Variants in ASPHD1 observed in about 807,000 individuals in gnomAD.
ASPHD1 encodes the protein aspartate beta-hydroxylase domain containing 1.
Under a neutral mutation model 28.3 loss-of-function variants are expected in ASPHD1, and 20 were observed. That is an observed-to-expected ratio of 0.71 (90% CI 0.50 to 1.03). The LOEUF is 1.03. ASPHD1 is among the 50% of genes least tolerant of loss of function. The pLI, the probability that ASPHD1 is intolerant of heterozygous loss-of-function variation, is 0.00. For synonymous variants in ASPHD1, 240 were observed against 221.2 expected, an observed-to-expected ratio of 1.08 and a Z score of -0.75; for missense variants, 479 against 524.1, an observed-to-expected ratio of 0.91 and a Z score of 0.84.
At chr16:29,910,112 A>T (rs949740890), downstream of ASPHD1, among the ~76,000 whole-genome samples, 1 of 151,128 alleles carries the variant, frequency 6.6e-6, no homozygotes, top group Admixed American at 6.6e-5. Context: ...AAAAAAAAAA[A>T]AAATAGGCTG....
downstream of ASPHD1, among the ~76,000 whole-genome samples, chr16:29,909,050 GATTC>G (rs35566440): frequency 6.0e-5 from 9 of 151,168 alleles, no homozygotes; most frequent in African/African-American, 1.2e-4. Flanking sequence ...CTGGGTCACT[GATTC>G]ATTCATTCAT....
chr16:29,906,633 G>C, downstream of ASPHD1: 1 of 666,668 alleles, frequency 1.5e-6, no homozygotes, highest in Non-Finnish European at 2.8e-6. Flanking sequence ...CGCAGGGCCA[G>C]GGTGGGGACA....
intron 2 of ASPHD1, 59 bp downstream of exon 2, chr16:29,905,024 C>A: frequency 7.6e-7 from 1 of 1,311,170 alleles, no homozygotes; most frequent in Non-Finnish European, 1.1e-6. Flanking sequence ...GGAGCGTTGA[C>A]TAGAAGGCAG....
chr16:29,903,739 C>T (rs974221812), intron 1 of ASPHD1, among the ~76,000 whole-genome samples: 3 of 152,050 alleles, frequency 2.0e-5, no homozygotes, highest in African/African-American at 4.8e-5. Flanking sequence ...CCCCTTCCCC[C>T]GTACCACCTC....
chr16:29,903,746 C>G (rs114039018), intron 1 of ASPHD1, among the ~76,000 whole-genome samples: 2 of 152,218 alleles, frequency 1.3e-5, no homozygotes, highest in East Asian at 3.9e-4. Context: ...CCCCGTACCA[C>G]CTCCTGAAAA....
downstream of ASPHD1, chr16:29,907,008 C>T (rs772906849): frequency 3.1e-6 from 5 of 1,614,158 alleles, no homozygotes; most frequent in South Asian, 5.5e-5. Context: ...TCCAGCTGCT[C>T]CCCCTGTGGC....
chr16:29,911,008 A>G (rs1374397633), downstream of ASPHD1: 1 of 1,613,898 alleles, frequency 6.2e-7, no homozygotes, highest in African/African-American at 1.3e-5. Context: ...TAGCATAGAC[A>G]ATGGAGGTGC....
At position 29,901,556 on chromosome 16, in the gene ASPHD1, G is replaced by A; in HGVS notation, c.585G>A (p.Leu195=). The change falls in exon 1 of 3, where the codon CTG becomes CTA. Residue 195 remains leucine (L), a synonymous_variant. Transcript: ENST00000308748. This position sits in a 1 kb window ranked among gnomAD's most constrained non-coding sequence, Gnocchi z 5.1. ...CAGGCCTGCTTTTCCTACCAGACCTGCCTTCAGCCCCCTTTGTGCCGCGGG... is the reference window on the plus strand; with the variant it reads ...CAGGCCTGCTTTTCCTACCAGACCTACCTTCAGCCCCCTTTGTGCCGCGGG... The part of the protein sequence containing the change: ...QRPGLLFLPD[L]PSAPFVPRDA... 6.4e-7 allele frequency: 1 copy of A among 1,555,162 alleles called. No homozygotes were observed.
downstream of ASPHD1, chr16:29,906,750 T>G: frequency 2.6e-6 from 2 of 775,348 alleles, no homozygotes; most frequent in Non-Finnish European, 2.2e-6. Flanking sequence ...TGCCATGCAA[T>G]GAAGGGACAG....
chr16:29,908,726 A>G (rs2150832813), downstream of ASPHD1, among the ~76,000 whole-genome samples: 1 of 149,658 alleles, frequency 6.7e-6, no homozygotes, highest in East Asian at 2.0e-4. Context: ...TTTCTAAGAC[A>G]AGATCTCACT....
intron 2 of ASPHD1, 122 bp downstream of exon 2, chr16:29,905,087 A>G (rs1209036781): frequency 4.4e-6 from 3 of 685,230 alleles, no homozygotes; most frequent in Admixed American, 2.9e-5. Context: ...TTCCAGCTGC[A>G]TGACCTTGAA....
At chr16:29,906,656 G>A (rs1008019405), downstream of ASPHD1, 13 of 680,954 alleles carry the variant, frequency 1.9e-5, no homozygotes, top group Admixed American at 8.1e-5. Flanking sequence ...TGTTGGCTTC[G>A]GAAGGCTCTG....
intron 3 of ASPHD1, among the ~76,000 whole-genome samples, chr16:29,915,805 C>T (rs2068799821): frequency 6.6e-6 from 1 of 152,092 alleles, no homozygotes; most frequent in African/African-American, 2.4e-5. Flanking sequence ...ACTTTTTCAT[C>T]ACATCCTCAG....
intron 3 of ASPHD1, among the ~76,000 whole-genome samples, chr16:29,916,471 T>G (rs1455595307): frequency 1.3e-5 from 2 of 152,228 alleles, no homozygotes; most frequent in Non-Finnish European, 2.9e-5. Flanking sequence ...AGTTGTAAAG[T>G]TACTTCTACA....
chr16:29,915,854 T>C (rs1484715789), intron 3 of ASPHD1, among the ~76,000 whole-genome samples: 1 of 152,228 alleles, frequency 6.6e-6, no homozygotes, highest in Non-Finnish European at 1.5e-5. Flanking sequence ...TTTAATGCCT[T>C]GTATTTAATC....
At chr16:29,912,199 C>T in intron 3 of ASPHD1, 1 of 657,948 alleles carries the variant, frequency 1.5e-6, no homozygotes, top group Non-Finnish European at 2.7e-6. Flanking sequence ...GCCTCTCTGC[C>T]ACTCTCCCTT....
chr16:29,906,588 T>A (rs1261029536), downstream of ASPHD1: 1 of 589,242 alleles, frequency 1.7e-6, no homozygotes, highest in African/African-American at 1.8e-5. Context: ...GAAAGGGAAT[T>A]CTAAATCCCT....
At chr16:29,908,207 G>A (rs927648593), downstream of ASPHD1, among the ~76,000 whole-genome samples, 1 of 152,046 alleles carries the variant, frequency 6.6e-6, no homozygotes, top group African/African-American at 2.4e-5. Flanking sequence ...AGAGCTGTGG[G>A]TCAGGAGTGC....
chr16:29,904,957 C>T lies in ASPHD1; in HGVS notation c.1055C>T (p.Ala352Val). The change falls in exon 2 of 3, where the codon GCT becomes GTT. Residue 352 changes from alanine to valine, a missense_variant. Transcript: ENST00000308748. Reference sequence around the variant, plus strand: ...GACGACTCTTTTCTACACACAGTGGCTCACAATGGTAACGGGGTGCCCATT... The same window carrying T: ...GACGACTCTTTTCTACACACAGTGGTTCACAATGGTAACGGGGTGCCCATT... Reference protein sequence around the residue: ...LVDDSFLHTVAHNGSPEDGPR... With the variant: ...LVDDSFLHTVVHNGSPEDGPR... 1 of 1,612,120 alleles carries T rather than the reference C, an allele frequency of 6.2e-7. No homozygotes were observed. The highest frequency in any genetic ancestry group is 8.5e-7 in the Non-Finnish European group (1 of 1,178,946).
Sources: gnomAD v4.1 joint callset for allele counts (sites outside exome capture counted in the v4.1 genomes callset) on GRCh38, gnomAD v4.1.1 for gene constraint, Gnocchi (gnomAD v3.1) non-coding constraint, MANE v1.5 for transcripts, NCBI Gene and HGNC (gene_info 2026-07-23, HGNC 2026-07-21) for gene names.